DLGAP1: variants seen among roughly 807,000 people sequenced by gnomAD.
The protein encoded by DLGAP1 is DLG associated protein 1.
A neutral mutation model predicts 90.8 loss-of-function variants in DLGAP1; 11 were observed. The observed-to-expected ratio is 0.12, with a 90% CI of 0.08 to 0.20. The LOEUF is 0.20. Ranked by LOEUF, DLGAP1 falls within the 10% of genes least tolerant of loss-of-function variation. The pLI is 1.00. For synonymous variants in DLGAP1, 558 were observed against 540.7 expected (o/e 1.03, Z -0.44); for missense variants, 1,050 against 1,333.8 (o/e 0.79, Z 3.31).
chr18:3,871,020 T>C (rs2070719333), intron 4 of DLGAP1, among the ~76,000 whole-genome samples: 1 of 152,214 alleles, frequency 6.6e-6, no homozygotes, highest in Non-Finnish European at 1.5e-5. Flanking sequence ...TTTCAGATAA[T>C]GTCGCTTCTC....
At chr18:3,998,858 T>C (rs1275995224) in intron 3 of DLGAP1, among the ~76,000 whole-genome samples, 2 of 152,176 alleles carry the variant, frequency 1.3e-5, no homozygotes, top group African/African-American at 4.8e-5. Context: ...GTCATTATGA[T>C]AACATTCCGC....
At chr18:4,168,058 C>A (rs2076959568) in intron 1 of DLGAP1, among the ~76,000 whole-genome samples, 1 of 152,118 alleles carries the variant, frequency 6.6e-6, no homozygotes, top group African/African-American at 2.4e-5. Context: ...AAAATCTTGT[C>A]AAGGTCCTAT....
At chr18:4,080,896 T>TCC (rs1387078965) in intron 2 of DLGAP1, among the ~76,000 whole-genome samples, 4 of 151,948 alleles carry the variant, frequency 2.6e-5, no homozygotes, top group African/African-American at 9.7e-5. Flanking sequence ...TGCCCTTTTT[T>TCC]TTTTTTTTTG....
At chr18:4,329,793 A>G (rs528236639) in intron 1 of DLGAP1, among the ~76,000 whole-genome samples, 27 of 152,222 alleles carry the variant, frequency 1.8e-4, no homozygotes, top group African/African-American at 6.5e-4. Context: ...GTGTTAGTAT[A>G]GAGAAATGCA....
chr18:3,777,344 G>C (rs1383503885), intron 5 of DLGAP1, among the ~76,000 whole-genome samples: 3 of 152,180 alleles, frequency 2.0e-5, no homozygotes, highest in Non-Finnish European at 4.4e-5. Flanking sequence ...CACAGGGAGA[G>C]GCATTTCAAA....
intron 7 of DLGAP1, among the ~76,000 whole-genome samples, chr18:3,600,785 T>TATATAGATATATATAGATATATATAG (rs1568278087): frequency 2.7e-5 from 2 of 74,086 alleles, no homozygotes; most frequent in African/African-American, 1.3e-4. Context: ...GATATATAGA[T>TATATAGATATATATAGATATATATAG]ATATATAGAT....
At chr18:3,855,897 C>T (rs1028999433) in intron 4 of DLGAP1, among the ~76,000 whole-genome samples, 2 of 152,154 alleles carry the variant, frequency 1.3e-5, no homozygotes, top group Non-Finnish European at 2.9e-5. Context: ...AGGCGTGAGC[C>T]ACCACGCCTG....
intron 7 of DLGAP1, among the ~76,000 whole-genome samples, chr18:3,719,341 C>T (rs434146): frequency 0.034 from 5,118 of 151,576 alleles, 288 homozygotes; most frequent in African/African-American, 0.12. Flanking sequence ...CCGGGGTGGG[C>T]GGATCACGAG....
At chr18:3,522,222 C>T (rs561834389) in intron 10 of DLGAP1, among the ~76,000 whole-genome samples, 2 of 151,200 alleles carry the variant, frequency 1.3e-5, no homozygotes, top group South Asian at 2.1e-4. Context: ...CTGCAACCTC[C>T]GCCTCCCGGA....
intron 3 of DLGAP1, among the ~76,000 whole-genome samples, chr18:3,923,182 G>A (rs2072306381): frequency 6.8e-6 from 1 of 146,228 alleles, no homozygotes; most frequent in Non-Finnish European, 1.5e-5. Flanking sequence ...CACTAACAGT[G>A]TTCATACTGT....
At chr18:4,308,220 A>G (rs1347638002) in intron 1 of DLGAP1, among the ~76,000 whole-genome samples, 2 of 152,200 alleles carry the variant, frequency 1.3e-5, no homozygotes, top group Admixed American at 6.5e-5. Flanking sequence ...CCTGCCCTAC[A>G]GCGCAAGTTT....
chr18:3,709,686 G>C (rs2147211194), intron 7 of DLGAP1, among the ~76,000 whole-genome samples: 1 of 152,300 alleles, frequency 6.6e-6, no homozygotes, highest in East Asian at 1.9e-4. Flanking sequence ...GGAAAAAGTA[G>C]GTTTCCATGC....
rs1176922448 is a variant in DLGAP1 at position 4,094,603 on chromosome 18, CTTTCT to C, written c.-159+56572_-159+56576del. 3.7e-3 allele frequency among the ~76,000 whole-genome samples: 482 copies of C among 131,032 alleles called. 2 individuals are homozygous for C. Among genetic ancestry groups the C allele is most frequent in the Non-Finnish European group, 6.7e-3 (412 of 61,262 alleles). The allele number at this position is 131,032 out of a possible 152,430, so 86.0% of individuals were successfully genotyped here. Reference sequence around the variant, plus strand: ...TATCTTCCTTCCTTCCTTCCTTTCTCTTTCTTTTTTTTTTTTTTTTGTCTTGTTTT... The same window carrying C: ...TATCTTCCTTCCTTCCTTCCTTTCTCTTTTTTTTTTTTTTTGTCTTGTTTT... On this transcript the variant is annotated intron_variant, in intron 2 of 12. Coordinates refer to ENST00000315677, the MANE Select transcript of DLGAP1 (RefSeq NM_004746.4).
At chr18:3,527,734 G>A (rs1051697915) in intron 10 of DLGAP1, among the ~76,000 whole-genome samples, 3 of 151,734 alleles carry the variant, frequency 2.0e-5, no homozygotes, top group Admixed American at 6.6e-5. Flanking sequence ...GGGACCACAG[G>A]TGCATGCCAC....
rs1036969035 is a variant in DLGAP1 at position 3,761,484 on chromosome 18, G to A, written c.1173-18972C>T. Among the ~76,000 whole-genome samples the A allele has an allele frequency of 6.6e-5, 10 of 152,194 alleles. 1 individual carries two copies. Among genetic ancestry groups the A allele is most frequent in the African/African-American group, 2.4e-4 (10 of 41,450 alleles). On this transcript the variant is annotated intron_variant, in intron 5 of 12. Transcript: ENST00000315677. Reference sequence around the variant, plus strand: ...TGATTTGGTTTATCCATTAGCCATAGATGAACACTTGGGTTGCTTCCACCT... The same window carrying A: ...TGATTTGGTTTATCCATTAGCCATAAATGAACACTTGGGTTGCTTCCACCT...
At chr18:4,169,998 G>T (rs1044255121) in intron 1 of DLGAP1, among the ~76,000 whole-genome samples, 3 of 152,090 alleles carry the variant, frequency 2.0e-5, no homozygotes, top group Non-Finnish European at 4.4e-5. Flanking sequence ...AATTAAATGA[G>T]GCAATGCAGT....
intron 9 of DLGAP1, among the ~76,000 whole-genome samples, chr18:3,536,244 GAC>G: frequency 7.7e-6 from 1 of 130,428 alleles, no homozygotes; most frequent in African/African-American, 3.0e-5. Context: ...TTTTTTCTGA[GAC>G]AGAGTCTTGC....
intron 5 of DLGAP1, among the ~76,000 whole-genome samples, chr18:3,747,542 T>C (rs2147768785): frequency 6.6e-6 from 1 of 152,294 alleles, no homozygotes; most frequent in Middle Eastern, 3.4e-3. Context: ...ATTGCCAACA[T>C]AAATGATGAT....
chr18:4,368,302 G>A (rs1016102974), intron 1 of DLGAP1, among the ~76,000 whole-genome samples: 1 of 152,048 alleles, frequency 6.6e-6, no homozygotes. Context: ...TGTCACCTTG[G>A]CTGGACCACA....
Sources: gnomAD v4.1 joint callset for allele counts (sites outside exome capture counted in the v4.1 genomes callset) on GRCh38, gnomAD v4.1.1 for gene constraint, MANE v1.5 for transcripts, NCBI Gene and HGNC (gene_info 2026-07-23, HGNC 2026-07-21) for gene names.